SAPCD1: variants seen among roughly 807,000 people sequenced by gnomAD.
SAPCD1 encodes suppressor APC domain-containing protein 1.
SAPCD1 carries 16 observed loss-of-function variants against 20.7 expected under a neutral mutation model. The ratio of observed to expected loss-of-function variants is 0.77; its 90% confidence interval spans 0.52 to 1.17. The LOEUF is 1.17. Among genes scored for constraint, SAPCD1 ranks in the 50% most tolerant of loss-of-function variants. SAPCD1 has a pLI of 0.00. For missense variants in SAPCD1, 173 were observed against 209.9 expected (o/e 0.82, Z 1.09); for synonymous variants, 77 against 84.8 (o/e 0.91, Z 0.50).
At position 31,764,342 on chromosome 6, in the gene SAPCD1, T is replaced by C; in HGVS notation, c.428T>C (p.Leu143Ser). The change falls in exon 4 of 5, where the codon TTG (leucine) becomes TCG (serine). Residue 143 changes from leucine to serine, a missense_variant. Leu to Ser is a moderately radical substitution (Grantham distance 145). Transcript: ENST00000415669. The surrounding 1 kb of genome is among the most constrained non-coding windows in gnomAD (Gnocchi z 4.7). Reference sequence around the variant, plus strand: ...AAGGAAAGACGAAGGGAGCAGAACTTGTGGCAGCAACAGGTAAACTTCAAG... The same window carrying C: ...AAGGAAAGACGAAGGGAGCAGAACTCGTGGCAGCAACAGGTAAACTTCAAG... 6.2e-7 allele frequency: 1 copy of C among 1,614,050 alleles called. No individual in the cohort carries two copies. Among genetic ancestry groups the C allele is most frequent in the Non-Finnish European group, 8.5e-7 (1 of 1,179,952 alleles).
rs1811204779 is a variant in SAPCD1, at chr6:31,763,379, G to A, written c.115-36G>A. 1 of 1,612,658 alleles carries A rather than the reference G, an allele frequency of 6.2e-7. No individual in the cohort carries two copies. The highest frequency in any genetic ancestry group is 8.5e-7 in the Non-Finnish European group (1 of 1,179,776). On this transcript the variant is annotated intron_variant, in intron 1 of 4. Transcript: ENST00000415669. The surrounding 1 kb of genome is among the most constrained non-coding windows in gnomAD (Gnocchi z 4.9). ...GGGCCATAACCCAGAGCCCTACTGT[G>A]GCGTGAGAGTCAGCCTCTGTGATTG...
Position 31,763,871 on chromosome 6 carries a change from G to A in SAPCD1, c.256-193G>A, listed in dbSNP as rs1811254149. ...ATGAAGAGTAGTGAAAGGGGGTATT[G>A]TGCTATTTGAGGGAGATGGAGGAAC... On this transcript the variant is annotated intron_variant, in intron 2 of 4. Transcript: ENST00000415669. The surrounding 1 kb of genome is among the most constrained non-coding windows in gnomAD (Gnocchi z 4.9). The A allele has an allele frequency of 1.6e-6, 1 of 609,366 alleles. No homozygotes were observed. Among genetic ancestry groups the A allele is most frequent in the South Asian group, 2.0e-5 (1 of 50,644 alleles). 37.7% of individuals were successfully genotyped at this position (609,366 alleles called of 1,614,324 possible). A position where few individuals can be genotyped will look rare whatever the true frequency, so the allele number is the denominator to read the frequency against.
Position 31,763,598 on chromosome 6 carries a change from G to A in SAPCD1, c.255+43G>A, listed in dbSNP as rs1192663633. On this transcript the variant is annotated intron_variant, in intron 2 of 4. Coordinates refer to ENST00000415669, the Ensembl canonical transcript of SAPCD1. The surrounding 1 kb of genome is among the most constrained non-coding windows in gnomAD (Gnocchi z 4.9). ...CTGTGTGAATGGGGGGAGGACCAGGGAGGGAGGAACAGGGAATGTGTAGAC... is the reference window on the plus strand; with the variant it reads ...CTGTGTGAATGGGGGGAGGACCAGGAAGGGAGGAACAGGGAATGTGTAGAC... 4 of 1,565,152 alleles carry A rather than the reference G, an allele frequency of 2.6e-6. No homozygotes were observed. The highest frequency in any genetic ancestry group is 3.5e-6 in the Non-Finnish European group (4 of 1,154,084).
chr6:31,763,560 G>A lies in SAPCD1; in HGVS notation c.255+5G>A, dbSNP rs756767168. On this transcript the variant is annotated splice_donor_5th_base_variant and intron_variant, in intron 2 of 4. Transcript: ENST00000415669. The surrounding 1 kb of genome is among the most constrained non-coding windows in gnomAD (Gnocchi z 4.9). Reference sequence around the variant, plus strand: ...CATCTAGGGGCCCTTGGTGAGGTATGGGGGCTGCCCCTCTGTGTGAATGGG... The same window carrying A: ...CATCTAGGGGCCCTTGGTGAGGTATAGGGGCTGCCCCTCTGTGTGAATGGG... 6.2e-6 allele frequency: 10 copies of A among 1,606,508 alleles called. No homozygotes were observed. Among genetic ancestry groups the A allele is most frequent in the Non-Finnish European group, 8.5e-6 (10 of 1,176,776 alleles).
At position 31,764,549 on chromosome 6, in the gene SAPCD1, C is replaced by T. The variant is rs1811339963; in HGVS notation, c.*18C>T. The stretch of plus-strand genomic sequence containing the variant: ...GTGTCTAAACCCTCCTCTCACTCCC[C>T]TAAGCCTGGTGAAAGAGTCAGAAGC... On this transcript the variant is annotated 3_prime_UTR_variant, in exon 5 of 5. Transcript: ENST00000415669. This position sits in a 1 kb window ranked among gnomAD's most constrained non-coding sequence, Gnocchi z 4.7. 1 of 1,563,832 alleles carries T rather than the reference C, an allele frequency of 6.4e-7. No individual in the cohort carries two copies. The highest frequency in any genetic ancestry group is 8.7e-7 in the Non-Finnish European group (1 of 1,146,644).
Position 31,764,160 on chromosome 6 carries a change from G to T in SAPCD1, c.351+1G>T. 2 of 1,612,676 alleles carry T rather than the reference G, an allele frequency of 1.2e-6. No individual in the cohort carries two copies. The highest frequency in any genetic ancestry group is 1.7e-6 in the Non-Finnish European group (2 of 1,178,628). ...TTTGCAGAATCTGATTCATGAGAAG[G>T]TGAGTTTATTGTTTTCAGTTTAGAC... is the stretch of plus-strand genomic sequence containing the variant. On this transcript the variant is annotated splice_donor_variant, in intron 3 of 4. Transcript: ENST00000415669. LOFTEE classifies it high-confidence loss of function. The surrounding 1 kb of genome is among the most constrained non-coding windows in gnomAD (Gnocchi z 4.7).
upstream of SAPCD1, chr6:31,762,673 G>A (rs1055887731): frequency 3.4e-6 from 2 of 595,298 alleles, no homozygotes; most frequent in South Asian, 2.2e-5. Context: ...TTATTTTGAA[G>A]AAAGATATTG....
rs28399990 is a variant in SAPCD1, at chr6:31,763,584, G to T, written c.255+29G>T. The T allele has an allele frequency of 3.8e-6, 6 of 1,586,614 alleles. No individual in the cohort carries two copies. Among genetic ancestry groups the T allele is most frequent in the South Asian group, 1.1e-5 (1 of 87,786 alleles). On this transcript the variant is annotated intron_variant, in intron 2 of 4. Transcript: ENST00000415669. This position sits in a 1 kb window ranked among gnomAD's most constrained non-coding sequence, Gnocchi z 4.9. ...TGGGGGCTGCCCCTCTGTGTGAATG[G>T]GGGGAGGACCAGGGAGGGAGGAACA...
Position 31,763,345 on chromosome 6 carries a change from G to A in SAPCD1, c.115-70G>A, listed in dbSNP as rs1481139122. 7 of 1,594,044 alleles carry A rather than the reference G, an allele frequency of 4.4e-6. No homozygotes were observed. Among genetic ancestry groups the A allele is most frequent in the East Asian group, 2.2e-5 (1 of 44,728 alleles). On this transcript the variant is annotated intron_variant, in intron 1 of 4. Transcript: ENST00000415669. This position sits in a 1 kb window ranked among gnomAD's most constrained non-coding sequence, Gnocchi z 4.9. Reference sequence around the variant, plus strand: ...CCACACAGTGAACCCAACTAGGGGTGGAGAGAAAGGGCCATAACCCAGAGC... The same window carrying A: ...CCACACAGTGAACCCAACTAGGGGTAGAGAGAAAGGGCCATAACCCAGAGC...
In SAPCD1 at chr6:31,763,479, A is replaced by G. The variant is rs1811216201; in HGVS notation, c.179A>G (p.Gln60Arg). The change falls in exon 2 of 5, where the codon CAG becomes CGG. Residue 60 changes from glutamine (Q) to arginine (R), a missense_variant. Transcript: ENST00000415669. This position sits in a 1 kb window ranked among gnomAD's most constrained non-coding sequence, Gnocchi z 4.9. ...CTGTGGCAGGGTCTGGAGCTGCTACAGCATGGCCAGGCCTGGTTTGAAGAC... is the reference window on the plus strand; with the variant it reads ...CTGTGGCAGGGTCTGGAGCTGCTACGGCATGGCCAGGCCTGGTTTGAAGAC... The G allele has an allele frequency of 1.2e-6, 2 of 1,612,922 alleles. No homozygotes were observed. The highest frequency in any genetic ancestry group is 1.7e-6 in the Non-Finnish European group (2 of 1,180,024).
In SAPCD1 at chr6:31,764,620, C is replaced by T; in HGVS notation, c.*89C>T. 1 of 897,106 alleles carries T rather than the reference C, an allele frequency of 1.1e-6. No homozygotes were observed. Among genetic ancestry groups the T allele is most frequent in the South Asian group, 1.6e-5 (1 of 60,992 alleles). The allele number at this position is 897,106 out of a possible 1,614,324, so 55.6% of individuals were successfully genotyped here. On this transcript the variant is annotated 3_prime_UTR_variant, in exon 5 of 5. Transcript: ENST00000415669. This position sits in a 1 kb window ranked among gnomAD's most constrained non-coding sequence, Gnocchi z 4.7. ...TCTTAACTCAACAGCTAAAAAATGGCTCCAGGTAGTGAGTCAATGAAGTTC... is the reference window on the plus strand; with the variant it reads ...TCTTAACTCAACAGCTAAAAAATGGTTCCAGGTAGTGAGTCAATGAAGTTC...
Position 31,763,841 on chromosome 6 carries a change from G to A in SAPCD1, c.256-223G>A, listed in dbSNP as rs947640391. 5 of 604,166 alleles carry A rather than the reference G, an allele frequency of 8.3e-6. No individual in the cohort carries two copies. The highest frequency in any genetic ancestry group is 2.9e-5 in the Admixed American group (1 of 34,096). 37.4% of individuals were successfully genotyped at this position (604,166 alleles called of 1,614,324 possible). A position where few individuals can be genotyped will look rare whatever the true frequency, so the allele number is the denominator to read the frequency against. On this transcript the variant is annotated intron_variant, in intron 2 of 4. Transcript: ENST00000415669. The surrounding 1 kb of genome is among the most constrained non-coding windows in gnomAD (Gnocchi z 4.9). ...CAATGGGGCAGGGATGGACAGGGAG[G>A]CTCCATGAAGAGTAGTGAAAGGGGG...
chr6:31,764,102 C>T lies in SAPCD1; in HGVS notation c.294C>T (p.Pro98=), dbSNP rs1236524662. 3 of 1,613,872 alleles carry T rather than the reference C, an allele frequency of 1.9e-6. No homozygotes were observed. The highest frequency in any genetic ancestry group is 1.1e-5 in the South Asian group (1 of 91,076). ...ATTTACACTCAGAGCCTGGTCGCCC[C>T]CCGTTAGCCCAGATTCAAAAGGTGA... is the stretch of plus-strand genomic sequence containing the variant. Residue 98 remains proline (P), a synonymous_variant, in exon 3 of 5, where the codon CCC becomes CCT. Coordinates refer to ENST00000415669, the Ensembl canonical transcript of SAPCD1. The surrounding 1 kb of genome is among the most constrained non-coding windows in gnomAD (Gnocchi z 4.7).
rs1235476688 is a variant in SAPCD1, at chr6:31,764,768, A to G, written c.*237A>G. 1 of 467,228 alleles carries G rather than the reference A, an allele frequency of 2.1e-6. No homozygotes were observed. The highest frequency in any genetic ancestry group is 3.6e-6 in the Non-Finnish European group (1 of 278,472). The allele number at this position is 467,228 out of a possible 1,614,324, so 28.9% of individuals were successfully genotyped here. The stretch of plus-strand genomic sequence containing the variant: ...CTTTCTTTGAAATCCCTCTGGGAAG[A>G]AGCATGTTTATTGAAACTGTCCTTC... On this transcript the variant is annotated 3_prime_UTR_variant, in exon 5 of 5. Transcript: ENST00000415669. The surrounding 1 kb of genome is among the most constrained non-coding windows in gnomAD (Gnocchi z 4.7).
chr6:31,763,862 G>A lies in SAPCD1; in HGVS notation c.256-202G>A. 2 of 606,388 alleles carry A rather than the reference G, an allele frequency of 3.3e-6. No individual in the cohort carries two copies. The highest frequency in any genetic ancestry group is 2.7e-5 in the East Asian group (1 of 36,492). The allele number at this position is 606,388 out of a possible 1,614,324, so 37.6% of individuals were successfully genotyped here. On this transcript the variant is annotated intron_variant, in intron 2 of 4. Coordinates refer to ENST00000415669, the Ensembl canonical transcript of SAPCD1. The surrounding 1 kb of genome is among the most constrained non-coding windows in gnomAD (Gnocchi z 4.9). ...GGAGGCTCCATGAAGAGTAGTGAAA[G>A]GGGGTATTGTGCTATTTGAGGGAGA...
upstream of SAPCD1, chr6:31,762,847 C>T (rs1811145666): frequency 1.8e-6 from 1 of 545,748 alleles, no homozygotes; most frequent in African/African-American, 1.9e-5. Context: ...TTCAGAGAGG[C>T]CCTACAAAAC....
rs779359211 is a variant in SAPCD1 at position 31,764,137 on chromosome 6, T to C, written c.329T>C (p.Leu110Ser). ...CAGATTCAAAAGGTGAACATCTGTTTGCAGAATCTGATTCATGAGAAGGTG... is the reference window on the plus strand; with the variant it reads ...CAGATTCAAAAGGTGAACATCTGTTCGCAGAATCTGATTCATGAGAAGGTG... The change falls in exon 3 of 5, where the codon TTG becomes TCG. Residue 110 changes from leucine to serine, a missense_variant. Physicochemically the swap from Leu to Ser is moderately radical, Grantham distance 145 (BLOSUM62 -2). Transcript: ENST00000415669. This position sits in a 1 kb window ranked among gnomAD's most constrained non-coding sequence, Gnocchi z 4.7. The C allele has an allele frequency of 6.8e-6, 11 of 1,613,694 alleles. No individual in the cohort carries two copies. The African/African-American group carries it at 1.3e-4, about 20-fold the overall frequency.
rs747761047 is a variant in SAPCD1, at chr6:31,763,202, ACT to A, written c.114+40_114+41del. 40 of 1,302,724 alleles carry A rather than the reference ACT, an allele frequency of 3.1e-5. 1 individual carries two copies. Among genetic ancestry groups the A allele is most frequent in the South Asian group, 3.0e-4 (23 of 75,824 alleles). 80.7% of individuals were successfully genotyped at this position (1,302,724 alleles called of 1,614,324 possible). On this transcript the variant is annotated intron_variant, in intron 1 of 4. Transcript: ENST00000415669. This position sits in a 1 kb window ranked among gnomAD's most constrained non-coding sequence, Gnocchi z 4.9. ...CAGCCCAACAAGAGGTCCCAGGGGA[ACT>A]CTCTCAATAGATCTGCCCTTTATAT...
Position 31,763,722 on chromosome 6 carries a change from G to GC in SAPCD1, c.255+167_255+168insC, listed in dbSNP as rs1811244523. 4 of 678,782 alleles carry GC rather than the reference G, an allele frequency of 5.9e-6. 1 individual carries two copies. In the Admixed American group the frequency reaches 8.8e-5, roughly 15 times the overall value. 42.0% of individuals were successfully genotyped at this position (678,782 alleles called of 1,614,324 possible). On this transcript the variant is annotated intron_variant, in intron 2 of 4. Transcript: ENST00000415669. This position sits in a 1 kb window ranked among gnomAD's most constrained non-coding sequence, Gnocchi z 4.9. Reference sequence around the variant, plus strand: ...CAGGATGCCACCAAGTGTTAAGTTGGTGTTCATTGTTGGGGCTGGAGGAAG... The same window carrying GC: ...CAGGATGCCACCAAGTGTTAAGTTGGCTGTTCATTGTTGGGGCTGGAGGAAG...
Sources: gnomAD v4.1 joint callset for allele counts on GRCh38, gnomAD v4.1.1 for gene constraint, Gnocchi (gnomAD v3.1) non-coding constraint, MANE v1.5 for transcripts, NCBI Gene and HGNC (gene_info 2026-07-23, HGNC 2026-07-21) for gene names.